Variants in ZMIZ1 observed in about 807,000 individuals in gnomAD.
ZMIZ1 encodes the protein zinc finger MIZ-type containing 1.
A neutral mutation model predicts 113.9 loss-of-function variants in ZMIZ1; 17 were observed. The observed-to-expected ratio is 0.15, with a 90% CI of 0.10 to 0.22. The LOEUF is 0.22. ZMIZ1 is among the 10% of genes least tolerant of loss of function. The pLI, the probability that ZMIZ1 is intolerant of heterozygous loss-of-function variation, is 1.00. For synonymous variants in ZMIZ1, 607 were observed against 603.1 expected (o/e 1.01, Z -0.09); for missense variants, 1,059 against 1,477.8 (o/e 0.72, Z 4.65).
intron 4 of ZMIZ1, among the ~76,000 whole-genome samples, chr10:79,186,275 T>C (rs1474832063): frequency 1.3e-5 from 2 of 152,236 alleles, no homozygotes; most frequent in East Asian, 3.9e-4. Context: ...GTTAATTTTT[T>C]ACCTCGAAGT....
At chr10:79,258,445 C>A (rs577822265) in intron 7 of ZMIZ1, among the ~76,000 whole-genome samples, 55 of 152,332 alleles carry the variant, frequency 3.6e-4, no homozygotes, top group Non-Finnish European at 6.9e-4. Flanking sequence ...TTAAACTCAA[C>A]TCCTCAGTTG....
At position 79,069,335 on chromosome 10, in the gene ZMIZ1, C is replaced by CT. The variant is rs1004195300; in HGVS notation, c.-337+66dup. 3.3e-5 allele frequency: 5 copies of CT among 150,628 alleles called. No individual in the cohort carries two copies. Among genetic ancestry groups the CT allele is most frequent in the Non-Finnish European group, 5.9e-5 (4 of 67,446 alleles). 9.3% of individuals were successfully genotyped at this position (150,628 alleles called of 1,614,324 possible). A position where few individuals can be genotyped will look rare whatever the true frequency, so the allele number is the denominator to read the frequency against. On this transcript the variant is annotated intron_variant, in intron 1 of 24. Transcript: ENST00000334512. This position sits in a 1 kb window ranked among gnomAD's most constrained non-coding sequence, Gnocchi z 4.6. ...GGCTACCTCCCGCTCCCCGGGGACT[C>CT]TCGGGGTGCAAGCGTGGGGATTGGG... is the stretch of plus-strand genomic sequence containing the variant.
intron 1 of ZMIZ1, among the ~76,000 whole-genome samples, chr10:79,092,516 C>T (rs150407905): frequency 2.0e-5 from 3 of 152,260 alleles, no homozygotes; most frequent in Non-Finnish European, 2.9e-5. Context: ...GCTTGGGCTG[C>T]GGCTAGGGGT....
At chr10:79,247,839 A>G (rs1850300904) in intron 7 of ZMIZ1, among the ~76,000 whole-genome samples, 1 of 152,158 alleles carries the variant, frequency 6.6e-6, no homozygotes. Flanking sequence ...TTCTGATGCT[A>G]TTGGTAGAAT....
At chr10:79,123,397 G>T (rs1441289831) in intron 2 of ZMIZ1, among the ~76,000 whole-genome samples, 1 of 152,172 alleles carries the variant, frequency 6.6e-6, no homozygotes, top group South Asian at 2.1e-4. Flanking sequence ...AGTTGGGAGG[G>T]ATTCAACGAA....
At position 79,114,082 on chromosome 10, in the gene ZMIZ1, T is replaced by A. The variant is rs35273092; in HGVS notation, c.-336-4833T>A. ...TCCCCTCTGAGGGCAGTGCTGCCCCTCTGACTGCTGGGGACTGGGGTGGCC... is the reference window on the plus strand; with the variant it reads ...TCCCCTCTGAGGGCAGTGCTGCCCCACTGACTGCTGGGGACTGGGGTGGCC... On this transcript the variant is annotated intron_variant, in intron 1 of 24. Coordinates refer to ENST00000334512, the MANE Select transcript of ZMIZ1 (RefSeq NM_020338.4). Among the ~76,000 whole-genome samples the A allele has an allele frequency of 4.5e-4, 68 of 152,234 alleles. 1 individual carries two copies. In the East Asian group the frequency reaches 0.012, roughly 27 times the overall value.
chr10:79,115,091 A>G lies in ZMIZ1; in HGVS notation c.-336-3824A>G, dbSNP rs142113669. ...CTTAGCAGAGGAGTTTGGGAACTAT[A>G]GAGTCCAGCTCTGTTCTGGTGCTTA... is the stretch of plus-strand genomic sequence containing the variant. On this transcript the variant is annotated intron_variant, in intron 1 of 24. Transcript: ENST00000334512. Among the ~76,000 whole-genome samples the G allele has an allele frequency of 8.7e-3, 1,332 of 152,344 alleles. 8 individuals are homozygous for G. Among genetic ancestry groups the G allele is most frequent in the Non-Finnish European group, 0.015 (1,030 of 68,036 alleles).
chr10:79,238,579 A>G (rs1325341183), intron 7 of ZMIZ1, among the ~76,000 whole-genome samples: 1 of 152,234 alleles, frequency 6.6e-6, no homozygotes, highest in Non-Finnish European at 1.5e-5. Context: ...GGTATGAGGG[A>G]AAGAATATAA....
At chr10:79,186,206 C>T (rs554038962) in intron 4 of ZMIZ1, among the ~76,000 whole-genome samples, 12 of 152,326 alleles carry the variant, frequency 7.9e-5, no homozygotes, top group South Asian at 6.2e-4. Flanking sequence ...CCTGTCCAAG[C>T]CCTCCCCTGG....
At chr10:79,075,738 G>A (rs1199142243) in intron 1 of ZMIZ1, among the ~76,000 whole-genome samples, 2 of 152,230 alleles carry the variant, frequency 1.3e-5, no homozygotes, top group African/African-American at 4.8e-5. Context: ...CTCTTAGCCA[G>A]ATACTTGCCC....
intron 7 of ZMIZ1, among the ~76,000 whole-genome samples, chr10:79,275,927 G>T (rs1852260057): frequency 6.6e-6 from 1 of 152,258 alleles, no homozygotes; most frequent in Admixed American, 6.5e-5. Flanking sequence ...GCAGCATCCA[G>T]ATGGGAGACC....
chr10:79,231,601 C>CG (rs1351794240), intron 7 of ZMIZ1, among the ~76,000 whole-genome samples: 2 of 151,122 alleles, frequency 1.3e-5, no homozygotes, highest in Non-Finnish European at 1.5e-5. Context: ...TGTTTTGAGA[C>CG]GGAGTCTCGC....
intron 7 of ZMIZ1, among the ~76,000 whole-genome samples, chr10:79,275,522 G>C (rs1282604704): frequency 6.6e-6 from 1 of 152,368 alleles, no homozygotes; most frequent in East Asian, 1.9e-4. Context: ...ACCCCGTCCA[G>C]GATCTGGGCG....
At position 79,311,011 on chromosome 10, in the gene ZMIZ1, C is replaced by G; in HGVS notation, c.2923C>G (p.Pro975Ala). 1 of 1,614,020 alleles carries G rather than the reference C, an allele frequency of 6.2e-7. No homozygotes were observed. The highest frequency in any genetic ancestry group is 8.5e-7 in the Non-Finnish European group (1 of 1,180,012). The change falls in exon 24 of 25, where the codon CCA becomes GCA. Residue 975 changes from proline (P) to alanine (A), a missense_variant. This residue lies in a region of ZMIZ1 where 225 missense variants were observed against 276.0 expected (regional missense o/e 0.82). Transcript: ENST00000334512. ...ACACCCCAGCAGCCAGTCAGGGCCT[C>G]CATTACATCACAGTGGGGCTCCTCC... Reference protein sequence around the residue: ...VPHPSSQSGPPLHHSGAPPPP... With the variant: ...VPHPSSQSGPALHHSGAPPPP...
chr10:79,296,881 T>C lies in ZMIZ1; in HGVS notation c.1413+228T>C, dbSNP rs1040764235. 5 of 405,602 alleles carry C rather than the reference T, an allele frequency of 1.2e-5. No homozygotes were observed. Among genetic ancestry groups the C allele is most frequent in the East Asian group, 3.6e-5 (1 of 27,446 alleles). The allele number at this position is 405,602 out of a possible 1,614,324, so 25.1% of individuals were successfully genotyped here. On this transcript the variant is annotated intron_variant, in intron 13 of 24. Transcript: ENST00000334512. The surrounding 1 kb of genome is among the most constrained non-coding windows in gnomAD (Gnocchi z 4.1). Reference sequence around the variant, plus strand: ...ATTCGTCTCGGATGATGGTTTTTTTTTCTCCTTTTCTTATTCACGGCACTC... The same window carrying C: ...ATTCGTCTCGGATGATGGTTTTTTTCTCTCCTTTTCTTATTCACGGCACTC...
rs1430963630 is a variant in ZMIZ1 at position 79,257,314 on chromosome 10, C to T, written c.281-19867C>T. Among the ~76,000 whole-genome samples the T allele has an allele frequency of 2.0e-5, 3 of 152,256 alleles. No individual in the cohort carries two copies. The East Asian group carries it at 5.8e-4, about 29-fold the overall frequency. On this transcript the variant is annotated intron_variant, in intron 7 of 24. Coordinates refer to ENST00000334512, the MANE Select transcript of ZMIZ1 (RefSeq NM_020338.4). ...GCCTCTGCTAATACACCCTGGAAGG[C>T]AGGAGAAGCCGGATGACCCTGAGGT...
chr10:79,260,246 C>T (rs1159029324), intron 7 of ZMIZ1, among the ~76,000 whole-genome samples: 1 of 152,204 alleles, frequency 6.6e-6, no homozygotes, highest in Non-Finnish European at 1.5e-5. Flanking sequence ...GCGAATGTAG[C>T]ACATGGGAAC....
At chr10:79,233,543 T>G (rs1849476814) in intron 7 of ZMIZ1, among the ~76,000 whole-genome samples, 1 of 152,220 alleles carries the variant, frequency 6.6e-6, no homozygotes, top group South Asian at 2.1e-4. Flanking sequence ...AGGCCCCAGC[T>G]CTTCGTACCA....
At chr10:79,122,159 G>A (rs1042629021) in intron 2 of ZMIZ1, among the ~76,000 whole-genome samples, 25 of 152,016 alleles carry the variant, frequency 1.6e-4, no homozygotes, top group Non-Finnish European at 2.5e-4. Flanking sequence ...ACGTGCAGGC[G>A]CCACCAGTTA....
Sources: gnomAD v4.1 joint callset for allele counts (sites outside exome capture counted in the v4.1 genomes callset) on GRCh38, gnomAD v4.1.1 for gene constraint, gnomAD v4.1.1 regional missense constraint, Gnocchi (gnomAD v3.1) non-coding constraint, MANE v1.5 for transcripts, NCBI Gene and HGNC (gene_info 2026-07-23, HGNC 2026-07-21) for gene names.